Variants in PDK1 observed in about 807,000 individuals in gnomAD.
PDK1 encodes the protein pyruvate dehydrogenase kinase 1.
In PDK1, 39 loss-of-function variants were observed where a neutral mutation model predicts 54.2. That is an observed-to-expected ratio of 0.72 (90% CI 0.56 to 0.94). The LOEUF is 0.94. Among genes scored for constraint, PDK1 ranks in the 40% least tolerant of loss-of-function variants. PDK1 has a pLI of 0.00. For missense variants in PDK1, 552 were observed against 566.0 expected (o/e 0.98, Z 0.25); for synonymous variants, 221 against 207.1 (o/e 1.07, Z -0.58).
chr2:172,670,453 TTA>T, the PDK1 span, among the ~76,000 whole-genome samples: 2 of 152,150 alleles, frequency 1.3e-5, no homozygotes, highest in Admixed American at 1.3e-4. Context: ...ACATGGAAAT[TTA>T]GTTTGCTAAA....
In PDK1 at chr2:172,558,561, T is replaced by G. The variant is rs1574458118; in HGVS notation, c.197-147T>G. 4 of 652,006 alleles carry G rather than the reference T, an allele frequency of 6.1e-6. No individual in the cohort carries two copies. In the Admixed American group the frequency reaches 1.2e-4, roughly 20 times the overall value. The allele number at this position is 652,006 out of a possible 1,614,324, so 40.4% of individuals were successfully genotyped here. On this transcript the variant is annotated intron_variant, in intron 1 of 10. Transcript: ENST00000282077. ...ATCCCTCGCCTCCCACAGGCAGGTG[T>G]ATCTTTGCCTCCTATTCCCTGCCCC...
At chr2:172,587,790 G>A (rs570676467) in intron 9 of PDK1, among the ~76,000 whole-genome samples, 5 of 152,270 alleles carry the variant, frequency 3.3e-5, no homozygotes, top group African/African-American at 1.2e-4. Flanking sequence ...GTGCTGATTG[G>A]TGTGTTTACA....
the PDK1 span, among the ~76,000 whole-genome samples, chr2:172,621,437 G>C: frequency 4.0e-5 from 6 of 151,742 alleles, no homozygotes; most frequent in Admixed American, 6.6e-5. Context: ...CTTCAGTTTT[G>C]GGACTTGGAC....
chr2:172,686,010 CAGG>C, the PDK1 span, among the ~76,000 whole-genome samples: 10 of 152,260 alleles, frequency 6.6e-5, no homozygotes, highest in East Asian at 1.9e-3. Context: ...TACAAAATTC[CAGG>C]AGCTGTGTTA....
chr2:172,565,178 C>A (rs1268546138), intron 5 of PDK1, 105 bp downstream of exon 5: 15 of 698,978 alleles, frequency 2.1e-5, no homozygotes, highest in Non-Finnish European at 5.0e-6. Context: ...AAATGGTAGG[C>A]ACAAATGCAT....
chr2:172,631,850 C>T, the PDK1 span, among the ~76,000 whole-genome samples: 4 of 152,168 alleles, frequency 2.6e-5, no homozygotes, highest in Non-Finnish European at 4.4e-5. Flanking sequence ...TCTTATGTTA[C>T]GGTTTTCTGA....
At chr2:172,609,853 GTC>G (rs1190991818), downstream of PDK1, among the ~76,000 whole-genome samples, 1 of 152,104 alleles carries the variant, frequency 6.6e-6, no homozygotes, top group African/African-American at 2.4e-5. Flanking sequence ...TTGAGATGGA[GTC>G]TCTGTTACCA....
the PDK1 span, among the ~76,000 whole-genome samples, chr2:172,640,746 A>G: frequency 6.6e-6 from 1 of 152,220 alleles, no homozygotes; most frequent in Non-Finnish European, 1.5e-5. Context: ...AAGAGTTTAG[A>G]TAATGTAGGG....
intron 2 of PDK1, among the ~76,000 whole-genome samples, chr2:172,560,676 A>C (rs1016921791): frequency 6.6e-6 from 1 of 152,244 alleles, no homozygotes; most frequent in Non-Finnish European, 1.5e-5. Context: ...TATAAATTAC[A>C]AAAGTTAAAA....
In PDK1 at chr2:172,570,819, G is replaced by A. The variant is rs2149231189; in HGVS notation, c.940G>A (p.Val314Met). 2 of 1,563,348 alleles carry A rather than the reference G, an allele frequency of 1.3e-6. No individual in the cohort carries two copies. The highest frequency in any genetic ancestry group is 1.8e-6 in the Non-Finnish European group (2 of 1,137,510). ...CACGCTGGGTAATGAGGATTTGACTGTGAAGGTAAATGTGTTTAATGGTTT... is the reference window on the plus strand; with the variant it reads ...CACGCTGGGTAATGAGGATTTGACTATGAAGGTAAATGTGTTTAATGGTTT... The part of the protein sequence containing the change: ...HVTLGNEDLT[V>M]KMSDRGGGVP... The change falls in exon 8 of 11, where the codon GTG becomes ATG. Residue 314 changes from valine to methionine, a missense_variant. Transcript: ENST00000282077.
intron 8 of PDK1, among the ~76,000 whole-genome samples, chr2:172,583,407 C>T (rs1348699753): frequency 6.7e-6 from 1 of 148,230 alleles, no homozygotes. Flanking sequence ...GATTCTTGTG[C>T]CTCAGCCTCC....
chr2:172,645,260 C>CTTTTTT, the PDK1 span, among the ~76,000 whole-genome samples: 325 of 51,140 alleles, frequency 6.4e-3, 102 homozygotes, highest in East Asian at 0.02. Flanking sequence ...ACAAAATAGG[C>CTTTTTT]TTTTTTTTTT....
Position 172,565,435 on chromosome 2 carries a change from C to T in PDK1, c.691+362C>T, listed in dbSNP as rs111560202. On this transcript the variant is annotated intron_variant, in intron 5 of 10. Coordinates refer to ENST00000282077, the MANE Select transcript of PDK1 (RefSeq NM_002610.5). ...TGTCTTGCCTCAGCCTCCCCAGTAG[C>T]CGGGATTACAGATGCTCAACACTAC... Among the ~76,000 whole-genome samples the T allele has an allele frequency of 5.3e-3, 809 of 152,212 alleles. 10 individuals carry two copies. The highest frequency in any genetic ancestry group is 0.018 in the African/African-American group (759 of 41,536).
At chr2:172,714,066 T>A in the PDK1 span, among the ~76,000 whole-genome samples, 3 of 152,356 alleles carry the variant, frequency 2.0e-5, no homozygotes, top group East Asian at 3.9e-4. Context: ...AACAAAACAC[T>A]GGTACCACTA....
chr2:172,618,312 T>G, the PDK1 span, among the ~76,000 whole-genome samples: 20 of 152,298 alleles, frequency 1.3e-4, no homozygotes, highest in East Asian at 3.5e-3. Context: ...AATTTTAGAA[T>G]GAGATATTTT....
intron 4 of PDK1, 25 bp from the exon 5 acceptor site, chr2:172,564,953 G>A: frequency 1.3e-6 from 2 of 1,504,904 alleles, no homozygotes; most frequent in Non-Finnish European, 1.8e-6. Context: ...AGCTTATTTT[G>A]TTGGTTTTTT....
the PDK1 span, among the ~76,000 whole-genome samples, chr2:172,657,933 G>T: frequency 6.6e-6 from 1 of 152,182 alleles, no homozygotes; most frequent in Non-Finnish European, 1.5e-5. Context: ...CCCTCAGGCT[G>T]CTTCCACTCC....
At chr2:172,671,821 C>T in the PDK1 span, among the ~76,000 whole-genome samples, 1 of 151,930 alleles carries the variant, frequency 6.6e-6, no homozygotes, top group Non-Finnish European at 1.5e-5. Flanking sequence ...TTAGGATATC[C>T]CTAGCAAGTT....
chr2:172,616,153 CA>C, the PDK1 span, among the ~76,000 whole-genome samples: 1 of 152,182 alleles, frequency 6.6e-6, no homozygotes, highest in Non-Finnish European at 1.5e-5. Flanking sequence ...CATTATAATG[CA>C]TGTGTAAATT....
Sources: allele counts gnomAD v4.1 joint callset (sites outside exome capture counted in the v4.1 genomes callset), GRCh38; gene constraint gnomAD v4.1.1; transcripts MANE v1.5; gene names NCBI Gene and HGNC (gene_info 2026-07-23, HGNC 2026-07-21).